The following ADCK1 variants were observed in gnomAD, a reference collection of about 807,000 sequenced individuals.
ADCK1 encodes the protein aarF domain-containing protein kinase 1.
Under a neutral mutation model 52.3 loss-of-function variants are expected in ADCK1, and 41 were observed. The ratio of observed to expected loss-of-function variants is 0.78; its 90% CI spans 0.61 to 1.02. ADCK1 has a LOEUF of 1.02. Among genes scored for constraint, ADCK1 ranks in the 50% least tolerant of loss-of-function variants. The pLI is 0.00. For missense variants in ADCK1, 658 were observed against 679.5 expected, an observed-to-expected ratio of 0.97 and a Z score of 0.35; for synonymous variants, 250 against 274.6, an observed-to-expected ratio of 0.91 and a Z score of 0.89.
Position 77,816,440 on chromosome 14 carries a change from C to T in ADCK1, c.-11-2528C>T, listed in dbSNP as rs551118800. Reference sequence around the variant, plus strand: ...ACCTTTCTGATTGTGGATCTTAACCCTCCCTAGAGTAGGTTCTGCCCTATA... The same window carrying T: ...ACCTTTCTGATTGTGGATCTTAACCTTCCCTAGAGTAGGTTCTGCCCTATA... On this transcript the variant is annotated intron_variant, in intron 1 of 10. Coordinates refer to ENST00000238561, the MANE Select transcript of ADCK1 (RefSeq NM_020421.4). Among the ~76,000 whole-genome samples the T allele has an allele frequency of 1.2e-4, 15 of 126,622 alleles. No individual in the cohort carries two copies. The East Asian group carries it at 2.8e-3, about 24-fold the overall frequency. The allele number at this position is 126,622 out of a possible 152,430, so 83.1% of individuals were successfully genotyped here.
chr14:77,818,367 CT>C (rs2081508552), intron 1 of ADCK1, among the ~76,000 whole-genome samples: 1 of 152,100 alleles, frequency 6.6e-6, no homozygotes. Flanking sequence ...CTGCAGTCTC[CT>C]CCTCCCGGGC....
intron 4 of ADCK1, among the ~76,000 whole-genome samples, chr14:77,883,268 G>A (rs911623866): frequency 6.6e-6 from 1 of 152,110 alleles, no homozygotes; most frequent in Non-Finnish European, 1.5e-5. Flanking sequence ...TTCTGTGAGT[G>A]ACTGGAGGCA....
chr14:77,930,286 C>T (rs1488738700), intron 9 of ADCK1, among the ~76,000 whole-genome samples: 2 of 152,216 alleles, frequency 1.3e-5, no homozygotes, highest in Non-Finnish European at 2.9e-5. Flanking sequence ...ACTCTGTTCT[C>T]AGCAGCGCAC....
chr14:77,910,953 C>T (rs2083777480), intron 7 of ADCK1, among the ~76,000 whole-genome samples: 1 of 152,196 alleles, frequency 6.6e-6, no homozygotes, highest in African/African-American at 2.4e-5. Flanking sequence ...ACCAGCCTCA[C>T]ACCCTAGATT....
chr14:77,927,436 G>A (rs187106765), intron 9 of ADCK1, among the ~76,000 whole-genome samples: 1 of 152,290 alleles, frequency 6.6e-6, no homozygotes, highest in African/African-American at 2.4e-5. Context: ...CCTGAAGTTC[G>A]TTCTTTTGAC....
chr14:77,811,936 T>C (rs762576876), intron 1 of ADCK1, among the ~76,000 whole-genome samples: 5 of 152,148 alleles, frequency 3.3e-5, no homozygotes, highest in Non-Finnish European at 5.9e-5. Flanking sequence ...ATCAAGGAAA[T>C]AAAGAGCATG....
chr14:77,918,585 G>T (rs1188388625), intron 7 of ADCK1, among the ~76,000 whole-genome samples: 1 of 152,044 alleles, frequency 6.6e-6, no homozygotes, highest in Non-Finnish European at 1.5e-5. Context: ...ATGGCCTTAG[G>T]TTGCTCCTCA....
chr14:77,875,675 A>G (rs535025908), intron 4 of ADCK1, among the ~76,000 whole-genome samples: 3 of 152,224 alleles, frequency 2.0e-5, no homozygotes, highest in South Asian at 4.2e-4. Flanking sequence ...TGTGTGAACT[A>G]TGGACTGTTG....
At chr14:77,899,401 C>T in intron 6 of ADCK1, 143 bp downstream of exon 6, 1 of 1,135,750 alleles carries the variant, frequency 8.8e-7, no homozygotes, top group Non-Finnish European at 1.2e-6. Context: ...AATGACATCA[C>T]TGGTGATGTG....
chr14:77,926,073 G>A (rs2084187347), intron 9 of ADCK1, 112 bp downstream of exon 9: 1 of 1,260,362 alleles, frequency 7.9e-7, no homozygotes, highest in South Asian at 1.3e-5. Context: ...TGGGCTGTGT[G>A]TTGGGGGAGG....
intron 4 of ADCK1, among the ~76,000 whole-genome samples, chr14:77,863,643 C>G (rs1222767403): frequency 6.6e-6 from 1 of 152,026 alleles, no homozygotes; most frequent in Admixed American, 6.6e-5. Flanking sequence ...TCGAGACCAG[C>G]CTGGCCAACA....
chr14:77,842,006 G>A (rs1243204287), intron 3 of ADCK1, among the ~76,000 whole-genome samples: 4 of 152,060 alleles, frequency 2.6e-5, no homozygotes, highest in East Asian at 3.9e-4. Flanking sequence ...CAGGAAGATC[G>A]CCTAAGCCCA....
At chr14:77,932,050 T>A (rs2084353624) in intron 10 of ADCK1, among the ~76,000 whole-genome samples, 1 of 152,028 alleles carries the variant, frequency 6.6e-6, no homozygotes, top group South Asian at 2.1e-4. Flanking sequence ...TTATTTAATT[T>A]ATTTATTTTC....
chr14:77,807,137 C>T (rs185910943), intron 1 of ADCK1, among the ~76,000 whole-genome samples: 7,903 of 125,730 alleles, frequency 0.063, 292 homozygotes, highest in Middle Eastern at 0.16. Context: ...GGCGGGATCT[C>T]GGCTCACTGC....
chr14:77,931,744 T>G, intron 10 of ADCK1, 33 bp downstream of exon 10: 1 of 1,587,124 alleles, frequency 6.3e-7, no homozygotes, highest in African/African-American at 1.3e-5. Flanking sequence ...CCTCCCCTCC[T>G]AGCCCCCTGG....
At chr14:77,914,934 C>CT (rs1164617273) in intron 7 of ADCK1, among the ~76,000 whole-genome samples, 1 of 151,876 alleles carries the variant, frequency 6.6e-6, no homozygotes, top group Non-Finnish European at 1.5e-5. Flanking sequence ...CATATGGTAC[C>CT]CCCTTACCCC....
chr14:77,900,091 T>C (rs1200694937), intron 6 of ADCK1, among the ~76,000 whole-genome samples: 1 of 91,872 alleles, frequency 1.1e-5, no homozygotes, highest in Non-Finnish European at 2.4e-5. Flanking sequence ...AAAAAGAAAA[T>C]TCATCAGTAA....
intron 7 of ADCK1, 52 bp downstream of exon 7, chr14:77,907,971 G>A (rs1343080527): frequency 2.6e-6 from 4 of 1,531,370 alleles, no homozygotes; most frequent in Non-Finnish European, 3.6e-6. Context: ...GCTTGGTCAA[G>A]GCTGCCCAGG....
At chr14:77,906,477 G>T (rs1419698639) in intron 6 of ADCK1, among the ~76,000 whole-genome samples, 1 of 152,144 alleles carries the variant, frequency 6.6e-6, no homozygotes, top group Non-Finnish European at 1.5e-5. Flanking sequence ...GTTTTTGAGT[G>T]TTATGAGAGT....
Sources: gnomAD v4.1 joint callset for allele counts (sites outside exome capture counted in the v4.1 genomes callset) on GRCh38, gnomAD v4.1.1 for gene constraint, MANE v1.5 for transcripts, NCBI Gene and HGNC (gene_info 2026-07-23, HGNC 2026-07-21) for gene names.